The following MAP3K14 variants were observed in gnomAD, a reference collection of about 807,000 sequenced individuals.
MAP3K14 encodes the protein NF-kappa-beta-inducing kinase.
In MAP3K14, 16 loss-of-function variants were observed where a neutral mutation model predicts 99.2. The ratio of observed to expected loss-of-function variants is 0.16; its 90% CI spans 0.11 to 0.24. The LOEUF is 0.24. Among genes scored for constraint, MAP3K14 ranks in the 10% least tolerant of loss-of-function variants. The pLI, the probability that MAP3K14 is intolerant of heterozygous loss-of-function variation, is 1.00. For synonymous variants in MAP3K14, 462 were observed against 492.4 expected, an observed-to-expected ratio of 0.94 and a Z score of 0.82; for missense variants, 784 against 1,208.7, an observed-to-expected ratio of 0.65 and a Z score of 5.21.
intron 1 of MAP3K14, among the ~76,000 whole-genome samples, chr17:45,306,482 GAAGAAAGACTCC>G (rs1275164886): frequency 2.0e-5 from 3 of 152,160 alleles, no homozygotes; most frequent in South Asian, 2.1e-4. Context: ...TGACAACAGG[GAAGAAAGACTCC>G]AAGCTGGACT....
rs2044293125 is a variant in MAP3K14 at position 45,289,320 on chromosome 17, G to T, written c.257-15C>A. ...GCTATTCTCACCTAAAGCAAAAGGA[G>T]TTGGATTAGCAGAGAGGAGAAAAAA... is the stretch of plus-strand genomic sequence containing the variant. On this transcript the variant is annotated splice_polypyrimidine_tract_variant and intron_variant, in intron 2 of 15. Transcript: ENST00000344686. 6.2e-7 allele frequency: 1 copy of T among 1,610,830 alleles called. No individual in the cohort carries two copies. The highest frequency in any genetic ancestry group is 8.5e-7 in the Non-Finnish European group (1 of 1,177,022).
Position 45,286,710 on chromosome 17 carries a change from G to A in MAP3K14, c.873C>T (p.Asp291=). 1 of 1,609,944 alleles carries A rather than the reference G, an allele frequency of 6.2e-7. No individual in the cohort carries two copies. The highest frequency in any genetic ancestry group is 8.5e-7 in the Non-Finnish European group (1 of 1,178,232). The change falls in exon 5 of 16, where the codon GAC becomes GAT. Residue 291 remains aspartate (D), a synonymous_variant. Transcript: ENST00000344686. The surrounding 1 kb of genome is among the most constrained non-coding windows in gnomAD (Gnocchi z 4.1). ...GTGGGTCAGGCAAGGGTTTCTGGCT[G>A]TCTACACAGGCCAGTTTGCCCAGGA... is the stretch of plus-strand genomic sequence containing the variant. The part of the protein sequence containing the change: ...ESFLGKLACV[D]SQKPLPDPHL...
intron 1 of MAP3K14, among the ~76,000 whole-genome samples, chr17:45,309,214 G>A (rs920983007): frequency 6.6e-6 from 1 of 152,140 alleles, no homozygotes; most frequent in Non-Finnish European, 1.5e-5. Context: ...CCAAGCTCCC[G>A]CTCCAAGCTG....
Position 45,267,603 on chromosome 17 carries a change from G to C in MAP3K14, c.2129C>G (p.Ala710Gly), listed in dbSNP as rs1268281992. 1 of 1,612,996 alleles carries C rather than the reference G, an allele frequency of 6.2e-7. No homozygotes were observed. Among genetic ancestry groups the C allele is most frequent in the African/African-American group, 1.3e-5 (1 of 74,816 alleles). Residue 710 changes from alanine (A) to glycine (G), a missense_variant, in exon 12 of 16, where the codon GCC (alanine) becomes GGC (glycine). Coordinates refer to ENST00000344686, the MANE Select transcript of MAP3K14 (RefSeq NM_003954.5). This position sits in a 1 kb window ranked among gnomAD's most constrained non-coding sequence, Gnocchi z 5.1. ...PRPAEETTGRAPKLQPPLPPE... is the reference protein window; with the variant it reads ...PRPAEETTGRGPKLQPPLPPE... ...TGGGAGAGGAGGCTGGAGCTTAGGGGCTCTGCCTGTTGTCTCCTCAGCTGG... is the reference window on the plus strand; with the variant it reads ...TGGGAGAGGAGGCTGGAGCTTAGGGCCTCTGCCTGTTGTCTCCTCAGCTGG...
At chr17:45,279,290 C>T (rs376051179) in intron 6 of MAP3K14, among the ~76,000 whole-genome samples, 54 of 151,920 alleles carry the variant, frequency 3.6e-4, no homozygotes, top group East Asian at 1.6e-3. Context: ...CCACCACGCC[C>T]GGCTTTTTGT....
chr17:45,290,783 C>T lies in MAP3K14; in HGVS notation c.-20-18G>A, dbSNP rs373990364. 2 of 1,597,834 alleles carry T rather than the reference C, an allele frequency of 1.3e-6. No individual in the cohort carries two copies. The highest frequency in any genetic ancestry group is 2.2e-5 in the South Asian group (2 of 90,688). ...TGCTCATCCTGAGAGAGACCAAACACAGAGCAGGTCACTTAGAATCCCAGA... is the reference window on the plus strand; with the variant it reads ...TGCTCATCCTGAGAGAGACCAAACATAGAGCAGGTCACTTAGAATCCCAGA... On this transcript the variant is annotated intron_variant, in intron 1 of 15. Transcript: ENST00000344686.
Position 45,286,294 on chromosome 17 carries a change from G to A in MAP3K14, c.1152+137C>T, listed in dbSNP as rs113639719. The A allele has an allele frequency of 1.2e-4, 131 of 1,108,208 alleles. No individual in the cohort carries two copies. In the African/African-American group the frequency reaches 1.8e-3, roughly 16 times the overall value. The allele number at this position is 1,108,208 out of a possible 1,614,324, so 68.6% of individuals were successfully genotyped here. A position where few individuals can be genotyped will look rare whatever the true frequency, so the allele number is the denominator to read the frequency against. On this transcript the variant is annotated intron_variant, in intron 5 of 15. Coordinates refer to ENST00000344686, the MANE Select transcript of MAP3K14 (RefSeq NM_003954.5). The surrounding 1 kb of genome is among the most constrained non-coding windows in gnomAD (Gnocchi z 4.1). ...AAGTGAGATTGGCGGAATAAGAGAT[G>A]ATACTTTTCATCCACAATGAGCACT...
intron 1 of MAP3K14, among the ~76,000 whole-genome samples, chr17:45,311,154 A>G (rs1426324145): frequency 6.6e-6 from 1 of 152,162 alleles, no homozygotes; most frequent in Non-Finnish European, 1.5e-5. Context: ...TTGGGCCACC[A>G]TTTTCTCTTC....
At chr17:45,301,080 A>T (rs991888947) in intron 1 of MAP3K14, among the ~76,000 whole-genome samples, 10 of 150,332 alleles carry the variant, frequency 6.7e-5, no homozygotes, top group African/African-American at 2.2e-4. Context: ...AGGTGGAAGG[A>T]TTGCTTTAGT....
At chr17:45,285,236 A>G (rs2044254278) in intron 5 of MAP3K14, among the ~76,000 whole-genome samples, 1 of 152,186 alleles carries the variant, frequency 6.6e-6, no homozygotes, top group Non-Finnish European at 1.5e-5. Flanking sequence ...CAGAACTGCC[A>G]ATCACCTTGA....
intron 1 of MAP3K14, among the ~76,000 whole-genome samples, chr17:45,314,780 G>A (rs1023605257): frequency 4.6e-5 from 7 of 152,126 alleles, no homozygotes; most frequent in Non-Finnish European, 8.8e-5. Flanking sequence ...CAACCAATAT[G>A]AATCTGTCAG....
At chr17:45,305,216 G>A (rs2044421906) in intron 1 of MAP3K14, among the ~76,000 whole-genome samples, 2 of 151,886 alleles carry the variant, frequency 1.3e-5, no homozygotes, top group African/African-American at 4.8e-5. Context: ...TCCAGCCTCA[G>A]CCTCCTGAGT....
At chr17:45,265,336 TG>T (rs961111475) in intron 14 of MAP3K14, 73 bp from the exon 15 acceptor site, 3 of 980,704 alleles carry the variant, frequency 3.1e-6, no homozygotes, top group Middle Eastern at 2.1e-4. Flanking sequence ...TGGCAGGGGC[TG>T]GGGGAACGTT....
In MAP3K14 at chr17:45,286,896, C is replaced by G. The variant is rs1172706932; in HGVS notation, c.687G>C (p.Leu229=). 1 of 1,613,900 alleles carries G rather than the reference C, an allele frequency of 6.2e-7. No homozygotes were observed. Among genetic ancestry groups the G allele is most frequent in the African/African-American group, 1.3e-5 (1 of 74,934 alleles). Residue 229 remains leucine (L), a synonymous_variant, in exon 5 of 16, where the codon CTG becomes CTC. Coordinates refer to ENST00000344686, the MANE Select transcript of MAP3K14 (RefSeq NM_003954.5). The surrounding 1 kb of genome is among the most constrained non-coding windows in gnomAD (Gnocchi z 4.1). ...PALPRSELHK[L]ISPLQCLNHV... The stretch of plus-strand genomic sequence containing the variant: ...GGTTCAGACATTGCAAGGGGCTGAT[C>G]AGTTTGTGGAGTTCTGATCGAGGCA...
At chr17:45,292,354 C>T (rs2044317209) in intron 1 of MAP3K14, among the ~76,000 whole-genome samples, 1 of 152,136 alleles carries the variant, frequency 6.6e-6, no homozygotes, top group African/African-American at 2.4e-5. Context: ...TACTTGAGCC[C>T]AGGAGTTCAA....
chr17:45,269,122 T>C (rs1390640211), intron 11 of MAP3K14, among the ~76,000 whole-genome samples: 3 of 152,116 alleles, frequency 2.0e-5, no homozygotes, highest in Non-Finnish European at 4.4e-5. Flanking sequence ...GCTCAAACAA[T>C]CCTCTCACCT....
chr17:45,271,209 G>A lies in MAP3K14; in HGVS notation c.1670C>T (p.Pro557Leu), dbSNP rs2044140302. ...GKSLLTGDYI[P>L]GTETHMAPEV... Reference sequence around the variant, plus strand: ...CGGAGCCATGTGGGTCTCTGTGCCAGGGATGTAGTCCCCTGAGAAGGGGGA... The same window carrying A: ...CGGAGCCATGTGGGTCTCTGTGCCAAGGATGTAGTCCCCTGAGAAGGGGGA... Residue 557 changes from proline to leucine, a missense_variant, in exon 10 of 16, where the codon CCT becomes CTT. Coordinates refer to ENST00000344686, the MANE Select transcript of MAP3K14 (RefSeq NM_003954.5). 4.3e-6 allele frequency: 7 copies of A among 1,610,394 alleles called. No homozygotes were observed. Among genetic ancestry groups the A allele is most frequent in the Non-Finnish European group, 5.9e-6 (7 of 1,178,924 alleles).
At chr17:45,299,809 G>A (rs2044372456) in intron 1 of MAP3K14, among the ~76,000 whole-genome samples, 2 of 152,152 alleles carry the variant, frequency 1.3e-5, no homozygotes, top group African/African-American at 4.8e-5. Flanking sequence ...CTCAGTCTCG[G>A]CCAGGCATGG....
intron 1 of MAP3K14, among the ~76,000 whole-genome samples, chr17:45,312,226 A>C (rs1488679503): frequency 6.6e-6 from 1 of 152,168 alleles, no homozygotes; most frequent in Non-Finnish European, 1.5e-5. Context: ...CACCTATCAA[A>C]TGCACTCTGT....
Sources: gnomAD v4.1 joint callset for allele counts (sites outside exome capture counted in the v4.1 genomes callset) on GRCh38, gnomAD v4.1.1 for gene constraint, Gnocchi (gnomAD v3.1) non-coding constraint, MANE v1.5 for transcripts, NCBI Gene and HGNC (gene_info 2026-07-23, HGNC 2026-07-21) for gene names.